Variants in MAP3K19 observed in about 807,000 individuals in gnomAD.
MAP3K19 encodes mitogen-activated protein kinase kinase kinase 19, also known as SPS1/STE20-related protein kinase YSK4.
Under a neutral mutation model 114.4 loss-of-function variants are expected in MAP3K19, and 91 were observed. The observed-to-expected ratio is 0.80, with a 90% confidence interval of 0.67 to 0.95. The LOEUF (loss-of-function observed/expected upper bound fraction) is 0.95, where lower values mean the gene tolerates loss of function less well. MAP3K19 is among the 40% of genes least tolerant of loss of function. MAP3K19 has a pLI of 0.00. For missense variants in MAP3K19, 1,471 were observed against 1,573.2 expected, an observed-to-expected ratio of 0.94 and a Z score of 1.10; for synonymous variants, 518 against 530.5, an observed-to-expected ratio of 0.98 and a Z score of 0.32.
intron 8 of MAP3K19, among the ~76,000 whole-genome samples, chr2:134,995,768 A>T (rs1404701524): frequency 4.6e-5 from 7 of 152,220 alleles, no homozygotes; most frequent in Admixed American, 6.5e-5. Flanking sequence ...TTGAATATTG[A>T]TTTTAAAAAA....
chr2:134,980,487 A>G (rs1161398106), intron 12 of MAP3K19, among the ~76,000 whole-genome samples: 1 of 152,178 alleles, frequency 6.6e-6, no homozygotes, highest in Non-Finnish European at 1.5e-5. Flanking sequence ...ATGTCATTTC[A>G]CCCTAGCCAG....
At chr2:134,997,064 C>G (rs566662196) in intron 8 of MAP3K19, among the ~76,000 whole-genome samples, 1 of 152,152 alleles carries the variant, frequency 6.6e-6, no homozygotes, top group Admixed American at 6.5e-5. Context: ...AACCAACAAA[C>G]AAACAAACAA....
At chr2:134,973,462 G>T (rs1014353287) in intron 12 of MAP3K19, among the ~76,000 whole-genome samples, 1 of 152,056 alleles carries the variant, frequency 6.6e-6, no homozygotes, top group Non-Finnish European at 1.5e-5. Flanking sequence ...GTTTCTATTT[G>T]CATGAACTAT....
At chr2:134,966,585 G>T (rs1326216539) in intron 12 of MAP3K19, among the ~76,000 whole-genome samples, 1 of 152,170 alleles carries the variant, frequency 6.6e-6, no homozygotes, top group Non-Finnish European at 1.5e-5. Flanking sequence ...TCTTCTTCTT[G>T]CATTATTATG....
chr2:134,965,223 G>C (rs560968668), intron 12 of MAP3K19, among the ~76,000 whole-genome samples: 1 of 152,262 alleles, frequency 6.6e-6, no homozygotes, highest in Non-Finnish European at 1.5e-5. Flanking sequence ...TTGAAAACTA[G>C]GCCCTACTTT....
rs1686237106 is a variant in MAP3K19 at position 134,999,009 on chromosome 2, G to T, written c.315-12C>A. 6.2e-7 allele frequency: 1 copy of T among 1,603,360 alleles called. No homozygotes were observed. ...ATGAGTTTATCAGACTAAAGGGGGAGGGAAATGTTTGATTTAAAACTCAGT... is the reference window on the plus strand; with the variant it reads ...ATGAGTTTATCAGACTAAAGGGGGATGGAAATGTTTGATTTAAAACTCAGT... On this transcript the variant is annotated splice_polypyrimidine_tract_variant and intron_variant, in intron 7 of 12. Coordinates refer to ENST00000392915, the MANE Select transcript of MAP3K19 (RefSeq NM_025052.5). The surrounding 1 kb of genome is among the most constrained non-coding windows in gnomAD (Gnocchi z 4.1).
At chr2:134,990,460 GTT>G (rs112948807) in intron 9 of MAP3K19, among the ~76,000 whole-genome samples, 22 of 145,780 alleles carry the variant, frequency 1.5e-4, no homozygotes, top group South Asian at 6.4e-4. Flanking sequence ...TTCTTTTTTT[GTT>G]TTTTTTTTTT....
At chr2:135,024,480 G>A (rs879110133) in intron 4 of MAP3K19, 146 bp downstream of exon 4, 21 of 749,874 alleles carry the variant, frequency 2.8e-5, no homozygotes, top group Non-Finnish European at 4.2e-5. Context: ...GCACCTAGTC[G>A]TGGGCCTTGT....
chr2:134,965,008 ATACAACTTCTGATAGTCAAACAGAC>A, intron 12 of MAP3K19, 92 bp from the exon 13 acceptor site: 1 of 956,920 alleles, frequency 1.0e-6, no homozygotes, highest in South Asian at 1.5e-5. Flanking sequence ...AAAGACGGAA[ATACAACTTCTGATAGTCAAACAGAC>A]TTGGGTTGAG....
chr2:135,003,542 G>GTGTT (rs10692556), intron 6 of MAP3K19, among the ~76,000 whole-genome samples: 31,448 of 151,446 alleles, frequency 0.21, 4,100 homozygotes, highest in East Asian at 0.37. Context: ...TGAGAAAATA[G>GTGTT]TGTTTGTTTG....
At chr2:135,017,407 A>G (rs574914703) in intron 5 of MAP3K19, among the ~76,000 whole-genome samples, 2 of 152,250 alleles carry the variant, frequency 1.3e-5, no homozygotes, top group South Asian at 4.2e-4. Flanking sequence ...TCTCTCTGTC[A>G]ATATTCAGAC....
chr2:134,998,725 A>G lies in MAP3K19; in HGVS notation c.574+13T>C. On this transcript the variant is annotated intron_variant, in intron 8 of 12. Transcript: ENST00000392915. ...CCAAAAGGACTCACTGTGGAATTCAATGTTCAACTTACCTTCAGATTTTCT... is the reference window on the plus strand; with the variant it reads ...CCAAAAGGACTCACTGTGGAATTCAGTGTTCAACTTACCTTCAGATTTTCT... 3 of 1,590,552 alleles carry G rather than the reference A, an allele frequency of 1.9e-6. No individual in the cohort carries two copies. Among genetic ancestry groups the G allele is most frequent in the Non-Finnish European group, 2.6e-6 (3 of 1,169,436 alleles).
chr2:135,026,813 A>C (rs910706801), intron 3 of MAP3K19, among the ~76,000 whole-genome samples: 1 of 152,228 alleles, frequency 6.6e-6, no homozygotes, highest in African/African-American at 2.4e-5. Flanking sequence ...CTCAAGAATT[A>C]TTTGACATTC....
chr2:135,038,275 GTGTATGTATATATT>G (rs1373397584), intron 2 of MAP3K19, among the ~76,000 whole-genome samples: 5 of 151,894 alleles, frequency 3.3e-5, no homozygotes, highest in African/African-American at 9.7e-5. Context: ...ATATACATAT[GTGTATGTATATATT>G]TGTATGTATA....
rs1204571833 is a variant in MAP3K19, at chr2:134,981,585, G to A, written c.3223-67C>T. The A allele has an allele frequency of 3.3e-6, 4 of 1,227,610 alleles. No individual in the cohort carries two copies. In the African/African-American group the frequency reaches 6.0e-5, roughly 19 times the overall value. 76.0% of individuals were successfully genotyped at this position (1,227,610 alleles called of 1,614,324 possible). On this transcript the variant is annotated intron_variant, in intron 11 of 12. Coordinates refer to ENST00000392915, the MANE Select transcript of MAP3K19 (RefSeq NM_025052.5). Reference sequence around the variant, plus strand: ...ATAACTTATTCACAAAATGCCTCAGGTGACACTTGACTTTCCCTTCTCTTT... The same window carrying A: ...ATAACTTATTCACAAAATGCCTCAGATGACACTTGACTTTCCCTTCTCTTT...
chr2:134,991,662 T>A, intron 8 of MAP3K19, 82 bp from the exon 9 acceptor site: 1 of 1,133,784 alleles, frequency 8.8e-7, no homozygotes, highest in Non-Finnish European at 1.3e-6. Flanking sequence ...GATGGAGTAA[T>A]ACAGATGCTA....
Position 134,986,609 on chromosome 2 carries a change from C to CA in MAP3K19, c.2262dup (p.Asp755Ter), listed in dbSNP as rs1419250816. ...GAAATACCATCACCATTTTCAATGT[C>CA]ATGTAGGTTGCTATGTACAGCCTTG... On this transcript the variant is annotated frameshift_variant, in exon 10 of 13. Transcript: ENST00000392915. LOFTEE classifies it high-confidence loss of function. 1 of 1,614,142 alleles carries CA rather than the reference C, an allele frequency of 6.2e-7. No homozygotes were observed. Among genetic ancestry groups the CA allele is most frequent in the Admixed American group, 1.7e-5 (1 of 60,020 alleles).
chr2:134,968,705 C>A (rs902445026), intron 12 of MAP3K19, among the ~76,000 whole-genome samples: 4 of 150,332 alleles, frequency 2.7e-5, no homozygotes, highest in African/African-American at 9.9e-5. Context: ...TCCTTACATC[C>A]CAGATGGGGC....
intron 5 of MAP3K19, among the ~76,000 whole-genome samples, chr2:135,009,038 A>T (rs1574009505): frequency 6.6e-6 from 1 of 151,512 alleles, no homozygotes. Context: ...TGCAAACTCC[A>T]CCTTCCAGGT....
Sources: allele counts gnomAD v4.1 joint callset (sites outside exome capture counted in the v4.1 genomes callset), GRCh38; gene constraint gnomAD v4.1.1; non-coding constraint Gnocchi (gnomAD v3.1); transcripts MANE v1.5; gene names NCBI Gene and HGNC (gene_info 2026-07-23, HGNC 2026-07-21).